Variants in ST3GAL4 observed in about 807,000 individuals in gnomAD.
ST3GAL4 encodes the protein CMP-N-acetylneuraminate-beta-galactosamide-alpha-2,3-sialyltransferase 4.
ST3GAL4 carries 24 observed loss-of-function variants against 42.6 expected under a neutral mutation model. That is an observed-to-expected ratio of 0.56 (90% CI 0.41 to 0.79). ST3GAL4 has a LOEUF of 0.79. ST3GAL4 is among the 30% of genes least tolerant of loss of function. The probability of loss-of-function intolerance (pLI) is 0.00; values close to 1 mark genes in which losing one functional copy is unlikely to be tolerated. For missense variants in ST3GAL4, 311 were observed against 430.8 expected, an observed-to-expected ratio of 0.72 and a Z score of 2.46; for synonymous variants, 135 against 163.2, an observed-to-expected ratio of 0.83 and a Z score of 1.32.
intron 1 of ST3GAL4, chr11:126,403,133 A>T (rs1208104407): frequency 6.5e-6 from 1 of 153,898 alleles, no homozygotes; most frequent in East Asian, 1.9e-4. Context: ...CCACTGAGCA[A>T]TCCTCACCCT....
rs1312083532 is a variant in ST3GAL4 at position 126,383,140 on chromosome 11, C to T, written c.-60-22956C>T. Among the ~76,000 whole-genome samples, 1 of 152,204 alleles carries T rather than the reference C, an allele frequency of 6.6e-6. No homozygotes were observed. Among genetic ancestry groups the T allele is most frequent in the Non-Finnish European group, 1.5e-5 (1 of 68,028 alleles). ...GCCACAGGCTGCCCTGGGACACTCT[C>T]CAGGCCTGCTGGGGACACACCTGTG... On this transcript the variant is annotated intron_variant, in intron 1 of 10. Coordinates refer to ENST00000444328, the MANE Select transcript of ST3GAL4 (RefSeq NM_001254757.2). The surrounding 1 kb of genome is among the most constrained non-coding windows in gnomAD (Gnocchi z 4.5).
chr11:126,372,141 A>C (rs574276061), intron 1 of ST3GAL4, among the ~76,000 whole-genome samples: 1 of 152,200 alleles, frequency 6.6e-6, no homozygotes, highest in East Asian at 1.9e-4. Flanking sequence ...AGAATGTGCT[A>C]CCATCCCGCC....
chr11:126,409,118 C>G lies in ST3GAL4; in HGVS notation c.628-150C>G, dbSNP rs911958798. 8 of 1,007,108 alleles carry G rather than the reference C, an allele frequency of 7.9e-6. No individual in the cohort carries two copies. The highest frequency in any genetic ancestry group is 1.2e-5 in the Non-Finnish European group (8 of 679,068). The allele number at this position is 1,007,108 out of a possible 1,614,324, so 62.4% of individuals were successfully genotyped here. A position where few individuals can be genotyped will look rare whatever the true frequency, so the allele number is the denominator to read the frequency against. On this transcript the variant is annotated intron_variant, in intron 8 of 10. Transcript: ENST00000444328. The surrounding 1 kb of genome is among the most constrained non-coding windows in gnomAD (Gnocchi z 4.9). The stretch of plus-strand genomic sequence containing the variant: ...CTCTCCTGGTCTCCCATCTGTGGCA[C>G]AGACTTCACCTCCCTTTCCTCTCAC...
chr11:126,387,528 C>T (rs755069232), intron 1 of ST3GAL4, among the ~76,000 whole-genome samples: 9 of 152,016 alleles, frequency 5.9e-5, no homozygotes, highest in Non-Finnish European at 1.3e-4. Flanking sequence ...ATTTACAAAA[C>T]TAGCTGGTCA....
In ST3GAL4 at chr11:126,407,217, G is replaced by C. The variant is rs878913629; in HGVS notation, c.183-35G>C. ...TACTTCTGGCATCAAGATTAATTCTGTTCTCATCCCCACCCGGCTTTCACC... is the reference window on the plus strand; with the variant it reads ...TACTTCTGGCATCAAGATTAATTCTCTTCTCATCCCCACCCGGCTTTCACC... On this transcript the variant is annotated intron_variant, in intron 4 of 10. Coordinates refer to ENST00000444328, the MANE Select transcript of ST3GAL4 (RefSeq NM_001254757.2). The C allele has an allele frequency of 1.9e-6, 3 of 1,606,998 alleles. No individual in the cohort carries two copies. In the Admixed American group the frequency reaches 5.0e-5, roughly 27 times the overall value.
At chr11:126,389,228 TTAA>T (rs1300185243) in intron 1 of ST3GAL4, among the ~76,000 whole-genome samples, 1 of 152,200 alleles carries the variant, frequency 6.6e-6, no homozygotes, top group Non-Finnish European at 1.5e-5. Flanking sequence ...ACTATCTCTA[TTAA>T]TATGAAAATA....
chr11:126,380,485 T>C (rs1326536430), intron 1 of ST3GAL4, among the ~76,000 whole-genome samples: 3 of 152,164 alleles, frequency 2.0e-5, no homozygotes, highest in Admixed American at 6.5e-5. Flanking sequence ...AAGGGCCACT[T>C]TATGTGTTCC....
At chr11:126,374,279 C>A (rs1292756714) in intron 1 of ST3GAL4, among the ~76,000 whole-genome samples, 2 of 151,736 alleles carry the variant, frequency 1.3e-5, no homozygotes, top group Non-Finnish European at 2.9e-5. Context: ...TGGGGAAACC[C>A]CGTTCCTACT....
intron 1 of ST3GAL4, among the ~76,000 whole-genome samples, chr11:126,362,057 C>A (rs952440414): frequency 1.3e-5 from 2 of 150,574 alleles, no homozygotes; most frequent in African/African-American, 4.9e-5. Context: ...AATTTTTGTA[C>A]TTTTAGTAGA....
At chr11:126,401,606 A>AGAGCG (rs1953997028) in intron 1 of ST3GAL4, among the ~76,000 whole-genome samples, 1 of 151,606 alleles carries the variant, frequency 6.6e-6, no homozygotes, top group South Asian at 2.1e-4. Context: ...CCCCGGCAGC[A>AGAGCG]GAGCCTACTG....
intron 1 of ST3GAL4, among the ~76,000 whole-genome samples, chr11:126,360,928 G>GCTCACTGTTTGCC (rs1303755947): frequency 1.4e-4 from 22 of 152,222 alleles, no homozygotes; most frequent in Non-Finnish European, 2.9e-4. Flanking sequence ...CTGTTTGCCA[G>GCTCACTGTTTGCC]AGAAAGGTCT....
At chr11:126,382,886 T>C (rs184544119) in intron 1 of ST3GAL4, among the ~76,000 whole-genome samples, 30 of 152,374 alleles carry the variant, frequency 2.0e-4, no homozygotes, top group African/African-American at 5.8e-4. Context: ...CCTCAGGGCT[T>C]GAGCCCAGAA....
Position 126,414,326 on chromosome 11 carries a change from A to G in ST3GAL4, c.*279A>G, listed in dbSNP as rs1323991067. The G allele has an allele frequency of 1.8e-5, 9 of 504,410 alleles. No homozygotes were observed. Among genetic ancestry groups the G allele is most frequent in the Non-Finnish European group, 2.2e-5 (6 of 277,278 alleles). 31.2% of individuals were successfully genotyped at this position (504,410 alleles called of 1,614,324 possible). A position where few individuals can be genotyped will look rare whatever the true frequency, so the allele number is the denominator to read the frequency against. ...CCCTCTCTGCCAGCACCAAGAGATT[A>G]TTTAATGGGCTATTTAATTAAGGGG... On this transcript the variant is annotated 3_prime_UTR_variant, in exon 11 of 11. Transcript: ENST00000444328.
chr11:126,380,740 G>A (rs1163067528), intron 1 of ST3GAL4, among the ~76,000 whole-genome samples: 1 of 152,180 alleles, frequency 6.6e-6, no homozygotes, highest in African/African-American at 2.4e-5. Context: ...AGGTAGGTGG[G>A]ATTTCATCTT....
chr11:126,395,757 A>G (rs1953722781), intron 1 of ST3GAL4, among the ~76,000 whole-genome samples: 1 of 152,070 alleles, frequency 6.6e-6, no homozygotes, highest in Non-Finnish European at 1.5e-5. Context: ...TTCTTCTGCC[A>G]TGATTGTCAG....
In ST3GAL4 at chr11:126,391,435, C is replaced by T. The variant is rs1016569282; in HGVS notation, c.-60-14661C>T. On this transcript the variant is annotated intron_variant, in intron 1 of 10. Coordinates refer to ENST00000444328, the MANE Select transcript of ST3GAL4 (RefSeq NM_001254757.2). This position sits in a 1 kb window ranked among gnomAD's most constrained non-coding sequence, Gnocchi z 5.5. ...CTGTTCTGGAGTGGGGGTGCTGTTT[C>T]GGAGAGCGATGAATCAGGGGCTTGG... 2.0e-5 allele frequency among the ~76,000 whole-genome samples: 3 copies of T among 152,084 alleles called. No homozygotes were observed. The highest frequency in any genetic ancestry group is 7.2e-5 in the African/African-American group (3 of 41,410).
intron 1 of ST3GAL4, among the ~76,000 whole-genome samples, chr11:126,361,539 G>C (rs1252205472): frequency 6.6e-6 from 1 of 152,014 alleles, no homozygotes; most frequent in African/African-American, 2.4e-5. Context: ...ATGTCCTTCA[G>C]TATCAACTGA....
At chr11:126,370,690 T>C (rs1786701) in intron 1 of ST3GAL4, among the ~76,000 whole-genome samples, 2 of 151,976 alleles carry the variant, frequency 1.3e-5, no homozygotes, top group East Asian at 1.9e-4. Flanking sequence ...TTTTTTTTTT[T>C]CCTTGAAATG....
chr11:126,395,522 G>T (rs1365148246), intron 1 of ST3GAL4, among the ~76,000 whole-genome samples: 1 of 152,114 alleles, frequency 6.6e-6, no homozygotes, highest in African/African-American at 2.4e-5. Flanking sequence ...GCAGTGATAC[G>T]GTTTGGCTGT....
Sources: allele counts gnomAD v4.1 joint callset (sites outside exome capture counted in the v4.1 genomes callset), GRCh38; gene constraint gnomAD v4.1.1; non-coding constraint Gnocchi (gnomAD v3.1); transcripts MANE v1.5; gene names NCBI Gene and HGNC (gene_info 2026-07-23, HGNC 2026-07-21).